Variants in TSHR observed in about 807,000 individuals in gnomAD.
TSHR encodes the protein thyroid stimulating hormone receptor, also known as thyrotropin receptor.
TSHR carries 51 observed loss-of-function variants against 64.1 expected under a neutral mutation model. The ratio of observed to expected loss-of-function variants is 0.80; its 90% CI spans 0.64 to 1.01. The LOEUF (loss-of-function observed/expected upper bound fraction) is 1.01. Ranked by LOEUF, TSHR falls within the 50% of genes least tolerant of loss-of-function variation. TSHR has a pLI of 0.00. For synonymous variants in TSHR, 361 were observed against 361.9 expected (o/e 1.00, Z 0.03); for missense variants, 877 against 942.8 (o/e 0.93, Z 0.91).
At position 81,057,160 on chromosome 14, in the gene TSHR, C is replaced by T. The variant is rs182550419; in HGVS notation, c.171-4988C>T. Among the ~76,000 whole-genome samples, 34 of 152,310 alleles carry T rather than the reference C, an allele frequency of 2.2e-4. No homozygotes were observed. In the East Asian group the frequency reaches 4.8e-3, roughly 22 times the overall value. On this transcript the variant is annotated intron_variant, in intron 1 of 9. Transcript: ENST00000298171. Reference sequence around the variant, plus strand: ...GTGCAGTGGCTCACACCTGTAATCCCAGCACTTTGGGAGGCCAAGGCAGGT... The same window carrying T: ...GTGCAGTGGCTCACACCTGTAATCCTAGCACTTTGGGAGGCCAAGGCAGGT...
At chr14:81,071,579 C>G (rs1032412075) in intron 3 of TSHR, among the ~76,000 whole-genome samples, 7 of 152,126 alleles carry the variant, frequency 4.6e-5, no homozygotes, top group Non-Finnish European at 8.8e-5. Context: ...GCCTGGACAA[C>G]ATAGTGAGAT....
chr14:81,091,776 G>A (rs2139982159), intron 5 of TSHR, among the ~76,000 whole-genome samples: 1 of 152,344 alleles, frequency 6.6e-6, no homozygotes, highest in African/African-American at 2.4e-5. Context: ...TCTGAGCAGT[G>A]TCTCAAGGAA....
chr14:80,999,380 G>A (rs1566755841), intron 1 of TSHR, among the ~76,000 whole-genome samples: 1 of 152,034 alleles, frequency 6.6e-6, no homozygotes, highest in Non-Finnish European at 1.5e-5. Flanking sequence ...TCTCTTCTAG[G>A]CTAAACATTC....
chr14:80,959,428 T>A (rs1407710887), intron 1 of TSHR: 6 of 152,244 alleles, frequency 3.9e-5, no homozygotes, highest in Non-Finnish European at 1.5e-5. Context: ...TCACCCTCTC[T>A]TACTCAGAAA....
intron 1 of TSHR, among the ~76,000 whole-genome samples, chr14:81,004,317 T>A (rs1889485872): frequency 6.6e-6 from 1 of 152,178 alleles, no homozygotes; most frequent in Non-Finnish European, 1.5e-5. Flanking sequence ...GATTCTGATA[T>A]CTCCTATATG....
intron 8 of TSHR, among the ~76,000 whole-genome samples, chr14:81,121,868 GGAGGCGGAGGCT>G (rs1416368100): frequency 6.6e-6 from 1 of 151,202 alleles, no homozygotes; most frequent in Non-Finnish European, 1.5e-5. Flanking sequence ...TTTGAACCCA[GGAGGCGGAGGCT>G]GCAAGTGAGC....
chr14:80,959,348 T>C (rs1253468312), intron 1 of TSHR: 1 of 152,122 alleles, frequency 6.6e-6, no homozygotes, highest in East Asian at 1.9e-4. Context: ...AGAATAAAAT[T>C]AAAAATTTAA....
At chr14:81,060,471 A>G (rs1334990175) in intron 1 of TSHR, among the ~76,000 whole-genome samples, 2 of 152,162 alleles carry the variant, frequency 1.3e-5, no homozygotes, top group Non-Finnish European at 2.9e-5. Context: ...ATTGGGCTTC[A>G]TGGCAAAACA....
chr14:81,051,462 A>G (rs1431572228), intron 1 of TSHR: 1 of 152,106 alleles, frequency 6.6e-6, no homozygotes, highest in Non-Finnish European at 1.5e-5. Context: ...TTTTCCAGAA[A>G]GCTTTAAATT....
chr14:81,052,147 C>A, intron 1 of TSHR: 1 of 152,152 alleles, frequency 6.6e-6, no homozygotes, highest in East Asian at 1.9e-4. Context: ...AGCTTTTCTC[C>A]TAGTCTTCTC....
chr14:80,982,455 G>A, intron 1 of TSHR: 1 of 1,156,286 alleles, frequency 8.6e-7, no homozygotes, highest in South Asian at 2.1e-5. Flanking sequence ...CTGTGACTGG[G>A]GCCAGTTGCA....
At chr14:81,071,978 A>G (rs1407024418) in intron 3 of TSHR, among the ~76,000 whole-genome samples, 1 of 152,164 alleles carries the variant, frequency 6.6e-6, no homozygotes, top group Non-Finnish European at 1.5e-5. Flanking sequence ...TTACTGGGAA[A>G]CACATAGGAA....
intron 3 of TSHR, among the ~76,000 whole-genome samples, chr14:81,078,449 A>G (rs958253559): frequency 2.0e-5 from 3 of 151,936 alleles, no homozygotes; most frequent in African/African-American, 4.8e-5. Flanking sequence ...AACTTTTTCT[A>G]TATCTTTGCT....
intron 7 of TSHR, among the ~76,000 whole-genome samples, chr14:81,098,999 T>G (rs1210443012): frequency 2.6e-5 from 4 of 152,214 alleles, no homozygotes. Flanking sequence ...CTATCAATTA[T>G]CATTTATTCA....
intron 1 of TSHR, among the ~76,000 whole-genome samples, chr14:81,027,163 G>C (rs972076086): frequency 1.3e-5 from 2 of 151,890 alleles, no homozygotes; most frequent in Admixed American, 1.3e-4. Context: ...AAAAAGACTA[G>C]AGTAGGAAAA....
chr14:81,093,601 T>TTCA (rs1169552678), intron 6 of TSHR: 1 of 152,182 alleles, frequency 6.6e-6, no homozygotes, highest in African/African-American at 2.4e-5. Flanking sequence ...GGATCCAAGC[T>TTCA]TCATACAGTT....
chr14:80,987,928 A>G (rs1238422775), intron 1 of TSHR, among the ~76,000 whole-genome samples: 2 of 152,186 alleles, frequency 1.3e-5, no homozygotes, highest in Non-Finnish European at 2.9e-5. Flanking sequence ...AGAACTTGAA[A>G]TTCTATTAGA....
intron 7 of TSHR, chr14:81,107,126 C>G (rs554847948): frequency 6.6e-6 from 1 of 152,092 alleles, no homozygotes; most frequent in African/African-American, 2.4e-5. Flanking sequence ...ACGGTTTCAA[C>G]GAAGACTCAT....
At chr14:81,122,665 T>C (rs539993229) in intron 8 of TSHR, among the ~76,000 whole-genome samples, 1 of 152,158 alleles carries the variant, frequency 6.6e-6, no homozygotes, top group South Asian at 2.1e-4. Context: ...GGATAAAACC[T>C]AAAAACAATA....
Sources: gnomAD v4.1 joint callset for allele counts (sites outside exome capture counted in the v4.1 genomes callset) on GRCh38, gnomAD v4.1.1 for gene constraint, MANE v1.5 for transcripts, NCBI Gene and HGNC (gene_info 2026-07-23, HGNC 2026-07-21) for gene names.